The following AMZ2 variants were observed in gnomAD, a reference collection of about 807,000 sequenced individuals.
The protein encoded by AMZ2 is archaelysin family metallopeptidase 2.
In AMZ2, 26 loss-of-function variants were observed where a neutral mutation model predicts 36.7. The observed-to-expected ratio is 0.71, with a 90% CI of 0.52 to 0.98. The LOEUF is 0.98. Ranked by LOEUF, AMZ2 falls within the 50% of genes least tolerant of loss-of-function variation. The probability of loss-of-function intolerance (pLI) is 0.00; values close to 1 mark genes in which losing one functional copy is unlikely to be tolerated. For missense variants in AMZ2, 394 were observed against 430.5 expected (o/e 0.92, Z 0.75); for synonymous variants, 144 against 149.1 (o/e 0.97, Z 0.25).
chr17:68,237,010 A>G (rs2073805971), intron 1 of AMZ2, among the ~76,000 whole-genome samples: 1 of 152,220 alleles, frequency 6.6e-6, no homozygotes. Flanking sequence ...GATAATACGC[A>G]TAGCATGAGA....
At chr17:68,217,849 G>T (rs1416624014) in intron 1 of AMZ2, among the ~76,000 whole-genome samples, 13 of 138,528 alleles carry the variant, frequency 9.4e-5, no homozygotes, top group African/African-American at 3.5e-4. Context: ...GGCTGGCTCT[G>T]TCGCCCAGGC....
chr17:68,211,806 GTA>G (rs1355526439), intron 1 of AMZ2, among the ~76,000 whole-genome samples: 20 of 123,320 alleles, frequency 1.6e-4, no homozygotes, highest in African/African-American at 5.5e-4. Flanking sequence ...ATGTGTATAT[GTA>G]TATATGTATG....
chr17:68,211,814 G>GTATATATGTA (rs1411898465), intron 1 of AMZ2, among the ~76,000 whole-genome samples: 2 of 124,442 alleles, frequency 1.6e-5, no homozygotes, highest in African/African-American at 2.9e-5. Context: ...ATGTATATAT[G>GTATATATGTA]TATGTGTATG....
chr17:68,211,842 A>G (rs1463067461), intron 1 of AMZ2, among the ~76,000 whole-genome samples: 3 of 144,500 alleles, frequency 2.1e-5, no homozygotes, highest in African/African-American at 7.5e-5. Flanking sequence ...ATATATGTAC[A>G]TGTATATATA....
intron 4 of AMZ2, among the ~76,000 whole-genome samples, chr17:68,252,476 A>G (rs1568380687): frequency 6.6e-6 from 1 of 152,086 alleles, no homozygotes; most frequent in Non-Finnish European, 1.5e-5. Context: ...CCTGATAGAG[A>G]TGGAAACATT....
chr17:68,250,978 C>T lies in AMZ2; in HGVS notation c.457+11C>T, dbSNP rs186492494. On this transcript the variant is annotated intron_variant, in intron 3 of 6. Coordinates refer to ENST00000359904, the MANE Select transcript of AMZ2 (RefSeq NM_016627.5). ...TACAAATTCATGCAGGTGAATTACA[C>T]GACTTTGCAATTCGAACTGAGTATA... 2,592 of 1,611,554 alleles carry T rather than the reference C, an allele frequency of 1.6e-3. 7 individuals are homozygous for T. The highest frequency in any genetic ancestry group is 2.0e-3 in the Non-Finnish European group (2,377 of 1,179,376).
At chr17:68,218,577 C>G (rs1184600960) in intron 1 of AMZ2, among the ~76,000 whole-genome samples, 1 of 152,184 alleles carries the variant, frequency 6.6e-6, no homozygotes, top group Non-Finnish European at 1.5e-5. Context: ...TTTCTACTCC[C>G]CTTTCTAGCT....
chr17:68,253,759 A>ATTTTTT (rs71142159), intron 4 of AMZ2, among the ~76,000 whole-genome samples: 2 of 146,554 alleles, frequency 1.4e-5, no homozygotes, highest in African/African-American at 2.5e-5. Flanking sequence ...TGTTCATGTG[A>ATTTTTT]TTTTTTTTTT....
chr17:68,251,139 T>C lies in AMZ2; in HGVS notation c.547T>C (p.Ser183Pro), dbSNP rs1555739631. 1 of 1,613,854 alleles carries C rather than the reference T, an allele frequency of 6.2e-7. No individual in the cohort carries two copies. Among genetic ancestry groups the C allele is most frequent in the Admixed American group, 1.7e-5 (1 of 59,966 alleles). Residue 183 changes from serine to proline, a missense_variant, in exon 4 of 7, where the codon TCG (serine) becomes CCG (proline). Coordinates refer to ENST00000359904, the MANE Select transcript of AMZ2 (RefSeq NM_016627.5). ...AATGATTGATCTTTACCCAAGAGAC[T>C]CGTGGAATTTTGTCTTTGGACAGGC... ...ITMIDLYPRDSWNFVFGQASL... is the reference protein window; with the variant it reads ...ITMIDLYPRDPWNFVFGQASL...
At chr17:68,231,004 G>A (rs75379170) in intron 1 of AMZ2, among the ~76,000 whole-genome samples, 9,071 of 151,614 alleles carry the variant, frequency 0.06, 485 homozygotes, top group Admixed American at 0.13. Context: ...TAACCTGTAG[G>A]GCAAGACATA....
intron 4 of AMZ2, among the ~76,000 whole-genome samples, chr17:68,252,200 G>T (rs1555740226): frequency 1.2e-4 from 19 of 152,204 alleles, no homozygotes. Flanking sequence ...AGAGTTTATG[G>T]TCTGTCTGGA....
upstream of AMZ2, among the ~76,000 whole-genome samples, chr17:68,244,476 G>A (rs113704787): frequency 1.3e-3 from 203 of 152,170 alleles, 1 homozygote; most frequent in African/African-American, 4.5e-3. Flanking sequence ...TAGTAGAGAC[G>A]GGGTTTCACC....
intron 5 of AMZ2, among the ~76,000 whole-genome samples, chr17:68,255,022 A>G (rs1310879252): frequency 1.3e-5 from 2 of 152,202 alleles, no homozygotes; most frequent in African/African-American, 4.8e-5. Flanking sequence ...TTTTGTGGAA[A>G]GCCTATCTCC....
At chr17:68,231,339 G>A (rs372432304) in intron 1 of AMZ2, among the ~76,000 whole-genome samples, 2 of 152,046 alleles carry the variant, frequency 1.3e-5, no homozygotes, top group African/African-American at 4.8e-5. Flanking sequence ...TCAAAGTACT[G>A]GGATAACAGG....
rs1458661328 is a variant in AMZ2, at chr17:68,257,089, A to G, written c.*120A>G. On this transcript the variant is annotated 3_prime_UTR_variant, in exon 7 of 7. Coordinates refer to ENST00000359904, the MANE Select transcript of AMZ2 (RefSeq NM_016627.5). ...GTGCTGTGTCAAAGTAACAGACTAG[A>G]ACCTTCTTTCAAGTACCTGAATTGA... The G allele has an allele frequency of 2.6e-5, 27 of 1,050,192 alleles. No homozygotes were observed. Among genetic ancestry groups the G allele is most frequent in the Non-Finnish European group, 3.6e-5 (27 of 743,584 alleles). 65.1% of individuals were successfully genotyped at this position (1,050,192 alleles called of 1,614,324 possible). A position where few individuals can be genotyped will look rare whatever the true frequency, so the allele number is the denominator to read the frequency against.
chr17:68,208,600 A>G (rs1297009331), intron 1 of AMZ2, among the ~76,000 whole-genome samples: 1 of 152,238 alleles, frequency 6.6e-6, no homozygotes, highest in Non-Finnish European at 1.5e-5. Flanking sequence ...TGCCCCAGCC[A>G]GCAGTGGCAA....
At chr17:68,245,408 T>C (rs2073981823), upstream of AMZ2, among the ~76,000 whole-genome samples, 1 of 151,322 alleles carries the variant, frequency 6.6e-6, no homozygotes, top group South Asian at 2.1e-4. Context: ...TGGCTTTTTT[T>C]TTTTCTTTTT....
chr17:68,255,904 AG>A (rs782238100), intron 6 of AMZ2, 28 bp downstream of exon 6: 1 of 1,608,094 alleles, frequency 6.2e-7, no homozygotes, highest in African/African-American at 1.3e-5. Flanking sequence ...CAGTCTAAAG[AG>A]GGGGAAGTGG....
chr17:68,247,154 G>A (rs1758611771), upstream of AMZ2: 1 of 151,932 alleles, frequency 6.6e-6, no homozygotes, highest in Non-Finnish European at 1.5e-5. Flanking sequence ...GGCCAACATG[G>A]TGAAACCCCA....
Sources: gnomAD v4.1 joint callset for allele counts (sites outside exome capture counted in the v4.1 genomes callset) on GRCh38, gnomAD v4.1.1 for gene constraint, MANE v1.5 for transcripts, NCBI Gene and HGNC (gene_info 2026-07-23, HGNC 2026-07-21) for gene names.